The following DNAH5 variants were observed in gnomAD, a reference collection of about 807,000 sequenced individuals.
The protein encoded by DNAH5 is axonemal beta dynein heavy chain 5.
Under a neutral mutation model 518.2 loss-of-function variants are expected in DNAH5, and 372 were observed. The ratio of observed to expected loss-of-function variants is 0.72; its 90% CI spans 0.66 to 0.78. The LOEUF is 0.78. Among genes scored for constraint, DNAH5 ranks in the 30% least tolerant of loss-of-function variants. DNAH5 has a pLI of 0.00. For missense variants in DNAH5, 5,523 were observed against 5,687.0 expected (o/e 0.97, Z 0.93); for synonymous variants, 2,039 against 2,025.9 (o/e 1.01, Z -0.17).
At chr5:13,978,038 G>T (rs1782395189) in intron 1 of DNAH5, among the ~76,000 whole-genome samples, 1 of 152,216 alleles carries the variant, frequency 6.6e-6, no homozygotes, top group Non-Finnish European at 1.5e-5. Flanking sequence ...GAGTGGAAGA[G>T]CAGGTGCAGC....
Position 13,911,409 on chromosome 5 carries a change from A to C in DNAH5, c.1621T>G (p.Cys541Gly). Reference protein sequence around the residue: ...MDFDQDYEEFCKQTNDLHNEL... With the variant: ...MDFDQDYEEFGKQTNDLHNEL... Reference sequence around the variant, plus strand: ...ACATGAAGGTCATTAGTCTGCTTGCAAAACTCTTCGTAATCTTGGTCAAAA... The same window carrying C: ...ACATGAAGGTCATTAGTCTGCTTGCCAAACTCTTCGTAATCTTGGTCAAAA... The change falls in exon 12 of 79, where the codon TGC becomes GGC. Residue 541 changes from cysteine to glycine, a missense_variant. Coordinates refer to ENST00000265104, the MANE Select transcript of DNAH5 (RefSeq NM_001369.3). 7 of 1,614,008 alleles carry C rather than the reference A, an allele frequency of 4.3e-6. No individual in the cohort carries two copies. Among genetic ancestry groups the C allele is most frequent in the Non-Finnish European group, 5.9e-6 (7 of 1,179,928 alleles).
intron 47 of DNAH5, among the ~76,000 whole-genome samples, chr5:13,799,932 T>C (rs1758472727): frequency 6.6e-6 from 1 of 152,204 alleles, no homozygotes; most frequent in Admixed American, 6.5e-5. Flanking sequence ...CATTTTATTT[T>C]AAAATATTTA....
At chr5:13,764,435 C>A (rs1008393759) in intron 59 of DNAH5, among the ~76,000 whole-genome samples, 2 of 152,132 alleles carry the variant, frequency 1.3e-5, no homozygotes, top group Non-Finnish European at 2.9e-5. Context: ...ACAAGCAACT[C>A]CAACAGGCAC....
At chr5:13,861,952 CAAAAAAAAAAA>C (rs59674964) in intron 29 of DNAH5, among the ~76,000 whole-genome samples, 1 of 49,514 alleles carries the variant, frequency 2.0e-5, no homozygotes, top group Non-Finnish European at 3.3e-5. Flanking sequence ...GATTCCATCT[CAAAAAAAAAAA>C]AAAAAAAAAA....
chr5:14,003,564 G>C (rs527481052), intron 1 of DNAH5, among the ~76,000 whole-genome samples: 17 of 152,296 alleles, frequency 1.1e-4, no homozygotes, highest in Admixed American at 9.8e-4. Context: ...TGGTTCCAAA[G>C]ATGGCCACAA....
intron 1 of DNAH5, among the ~76,000 whole-genome samples, chr5:13,952,238 G>A (rs544280165): frequency 6.6e-5 from 10 of 152,140 alleles, no homozygotes; most frequent in African/African-American, 1.4e-4. Flanking sequence ...TAGCACTCAC[G>A]CCCACACTAA....
At chr5:13,697,250 A>T (rs987738207) in intron 78 of DNAH5, among the ~76,000 whole-genome samples, 1 of 152,246 alleles carries the variant, frequency 6.6e-6, no homozygotes, top group Non-Finnish European at 1.5e-5. Flanking sequence ...CTGTCCCAAG[A>T]TGTCACACTA....
At chr5:13,748,222 T>C (rs1749682359) in intron 65 of DNAH5, among the ~76,000 whole-genome samples, 1 of 152,248 alleles carries the variant, frequency 6.6e-6, no homozygotes, top group Non-Finnish European at 1.5e-5. Flanking sequence ...GGTTCTGTTC[T>C]GTTCCATTGG....
At chr5:13,980,875 C>T (rs546112678) in intron 1 of DNAH5, among the ~76,000 whole-genome samples, 31 of 152,306 alleles carry the variant, frequency 2.0e-4, no homozygotes, top group Middle Eastern at 6.8e-3. Context: ...ATTAAGATGC[C>T]AAGCAAGCTT....
intron 46 of DNAH5, among the ~76,000 whole-genome samples, chr5:13,808,225 CAAAA>C (rs56686032): frequency 8.2e-4 from 71 of 86,352 alleles, no homozygotes; most frequent in African/African-American, 2.9e-3. Flanking sequence ...GACTCCATCT[CAAAA>C]AAAAAAAAAA....
rs1268499501 is a variant in DNAH5, at chr5:13,913,875, A to G, written c.1404T>C (p.Tyr468=). 1 of 1,613,704 alleles carries G rather than the reference A, an allele frequency of 6.2e-7. No individual in the cohort carries two copies. The highest frequency in any genetic ancestry group is 1.1e-5 in the South Asian group (1 of 91,072). Residue 468 remains tyrosine (Y), a synonymous_variant, in exon 11 of 79, where the codon TAT becomes TAC. Transcript: ENST00000265104. ...GAAAAGTTTCGAATTTTCCAAAAAT[A>G]TACATCTCGCTAAAATCAAATTGTT... is the stretch of plus-strand genomic sequence containing the variant. ...NAKQFDFSEM[Y]IFGKFETFHR... is the part of the protein sequence containing the mutation.
Position 13,991,682 on chromosome 5 carries a change from C to G in DNAH5, c.12+19966G>C, listed in dbSNP as rs552260005. Among the ~76,000 whole-genome samples the G allele has an allele frequency of 2.0e-4, 30 of 151,818 alleles. No homozygotes were observed. The Middle Eastern group carries it at 0.01, about 52-fold the overall frequency. ...AGGAGTCATGGAGAAACGAGGGAGG[C>G]GTGAAGACAGAACAGAGGTGTGAGG... On this transcript the variant is annotated intron_variant, in intron 1 of 78. Coordinates refer to the DNAH5 transcript ENST00000681290.
At chr5:13,988,142 T>G (rs1247858075) in intron 1 of DNAH5, among the ~76,000 whole-genome samples, 3 of 152,164 alleles carry the variant, frequency 2.0e-5, no homozygotes, top group Admixed American at 6.5e-5. Context: ...TACTATGCTA[T>G]CATCTGAGAA....
At chr5:13,921,552 TCACAAA>T (rs145577357) in intron 5 of DNAH5, among the ~76,000 whole-genome samples, 3,658 of 132,132 alleles carry the variant, frequency 0.028, 62 homozygotes, top group Admixed American at 0.037. Flanking sequence ...CCCCAAGTAA[TCACAAA>T]CACAGACTTA....
intron 44 of DNAH5, chr5:13,810,584 C>CAA (rs61113976): frequency 0.17 from 16,587 of 99,534 alleles, 1,100 homozygotes; most frequent in Admixed American, 0.21. Flanking sequence ...ACTAAAAATA[C>CAA]AAAAAAAAAA....
intron 55 of DNAH5, among the ~76,000 whole-genome samples, chr5:13,775,049 CT>C (rs374621597): frequency 5.5e-4 from 82 of 149,208 alleles, no homozygotes; most frequent in East Asian, 4.9e-3. Flanking sequence ...GTTTTAAAAT[CT>C]TTTTTTTAAG....
intron 1 of DNAH5, among the ~76,000 whole-genome samples, chr5:13,938,168 AACC>A (rs370471352): frequency 0.012 from 1,771 of 152,206 alleles, 31 homozygotes; most frequent in African/African-American, 0.04. Flanking sequence ...CCCAACCATT[AACC>A]ATCAACATCA....
intron 1 of DNAH5, among the ~76,000 whole-genome samples, chr5:14,005,547 T>G (rs1003717327): frequency 6.6e-6 from 1 of 152,196 alleles, no homozygotes; most frequent in African/African-American, 2.4e-5. Context: ...GTTAACAGAC[T>G]CTGGGCGTCC....
intron 68 of DNAH5, among the ~76,000 whole-genome samples, chr5:13,730,687 G>C (rs964009512): frequency 6.6e-6 from 1 of 151,126 alleles, no homozygotes; most frequent in Non-Finnish European, 1.5e-5. Flanking sequence ...GCCCACCTCG[G>C]CCTCCCAAAG....
Sources: allele counts gnomAD v4.1 joint callset (sites outside exome capture counted in the v4.1 genomes callset), GRCh38; gene constraint gnomAD v4.1.1; transcripts MANE v1.5; gene names NCBI Gene and HGNC (gene_info 2026-07-23, HGNC 2026-07-21).